Variants in ETS1 observed in about 807,000 individuals in gnomAD.
ETS1 encodes the protein ETS proto-oncogene 1, transcription factor, also known as protein C-ets-1.
ETS1 carries 15 observed loss-of-function variants against 58.6 expected under a neutral mutation model. The observed-to-expected ratio is 0.26, with a 90% CI of 0.17 to 0.39. The LOEUF (loss-of-function observed/expected upper bound fraction) is 0.39, where lower values mean the gene tolerates loss of function less well. ETS1 is among the 10% of genes least tolerant of loss of function. ETS1 has a pLI of 1.00. For missense variants in ETS1, 417 were observed against 610.5 expected (o/e 0.68, Z 3.34); for synonymous variants, 214 against 218.2 (o/e 0.98, Z 0.17).
intron 3 of ETS1, among the ~76,000 whole-genome samples, chr11:128,524,030 A>T (rs993817926): frequency 7.2e-5 from 11 of 152,166 alleles, no homozygotes; most frequent in African/African-American, 2.7e-4. Context: ...TTGATGTTGT[A>T]TTGAGAAAAT....
intron 3 of ETS1, among the ~76,000 whole-genome samples, chr11:128,524,873 C>A (rs1863769917): frequency 6.6e-6 from 1 of 152,166 alleles, no homozygotes; most frequent in South Asian, 2.1e-4. Context: ...CTTTTCCCTT[C>A]ATAGTAGAGC....
intron 3 of ETS1, chr11:128,529,108 A>G (rs1863853724): frequency 1.3e-5 from 2 of 152,204 alleles, no homozygotes; most frequent in South Asian, 2.1e-4. Context: ...ACTGCTATAT[A>G]CATTATTTGT....
chr11:128,462,879 C>T, intron 9 of ETS1, among the ~76,000 whole-genome samples: 1 of 152,216 alleles, frequency 6.6e-6, no homozygotes, highest in East Asian at 1.9e-4. Context: ...ACTATACATT[C>T]TCCTCTTTCC....
In ETS1 at chr11:128,486,122, T is replaced by C. The variant is rs1370995655; in HGVS notation, c.560A>G (p.Asn187Ser). The C allele has an allele frequency of 1.9e-6, 3 of 1,610,478 alleles. No homozygotes were observed. The highest frequency in any genetic ancestry group is 2.5e-6 in the Non-Finnish European group (3 of 1,176,758). The change falls in exon 6 of 10, where the codon AAT becomes AGT. Residue 187 changes from asparagine (N) to serine (S), a missense_variant. Transcript: ENST00000392668. ...TTCTGGATAGGCTGGGTTGACTCCA[T>C]TAACTTGATATGGTTTCACATCCTC... is the stretch of plus-strand genomic sequence containing the variant. ...QKEDVKPYQVNGVNPAYPESR... is the reference protein window; with the variant it reads ...QKEDVKPYQVSGVNPAYPESR...
chr11:128,466,771 C>CTTT (rs143750888), intron 8 of ETS1, among the ~76,000 whole-genome samples: 6 of 149,562 alleles, frequency 4.0e-5, no homozygotes, highest in Admixed American at 4.0e-4. Context: ...CTCTCTAACT[C>CTTT]TTTTTTTTTT....
At chr11:128,522,133 CCTTT>C in intron 3 of ETS1, 1 of 1,322,210 alleles carries the variant, frequency 7.6e-7, no homozygotes, top group Admixed American at 3.6e-5. Context: ...ATTCCCGCTG[CCTTT>C]CTTTCCCCCG....
intron 3 of ETS1, among the ~76,000 whole-genome samples, chr11:128,506,569 G>A (rs566010007): frequency 2.0e-5 from 3 of 152,336 alleles, no homozygotes; most frequent in African/African-American, 7.2e-5. Context: ...CACGTAAGAT[G>A]TCCTGGGTGT....
At chr11:128,499,789 T>C (rs1217496252) in intron 3 of ETS1, among the ~76,000 whole-genome samples, 1 of 152,030 alleles carries the variant, frequency 6.6e-6, no homozygotes, top group African/African-American at 2.4e-5. Flanking sequence ...ACTTGGCACT[T>C]GGTCGGGGGG....
rs1265610943 is a variant in ETS1, at chr11:128,460,772, C to T, written c.*1589G>A. 1 of 152,338 alleles carries T rather than the reference C, an allele frequency of 6.6e-6. No homozygotes were observed. 9.4% of individuals were successfully genotyped at this position (152,338 alleles called of 1,614,324 possible). A position where few individuals can be genotyped will look rare whatever the true frequency, so the allele number is the denominator to read the frequency against. ...AATCTATTCAAATCTCATGGACAAC[C>T]TTATTTTCCTCACTGAACCTCCTTC... On this transcript the variant is annotated 3_prime_UTR_variant, in exon 10 of 10. Coordinates refer to ENST00000392668, the MANE Select transcript of ETS1 (RefSeq NM_001143820.2).
At chr11:128,468,427 CT>C (rs1862097145) in intron 8 of ETS1, among the ~76,000 whole-genome samples, 1 of 152,164 alleles carries the variant, frequency 6.6e-6, no homozygotes, top group Non-Finnish European at 1.5e-5. Flanking sequence ...ATGGAAATCC[CT>C]TCCATTTCCC....
intron 3 of ETS1, among the ~76,000 whole-genome samples, chr11:128,543,113 A>C (rs1864080102): frequency 2.0e-5 from 3 of 151,944 alleles, no homozygotes; most frequent in African/African-American, 7.3e-5. Context: ...GAATTGCTTG[A>C]ACCCTGGAGG....
At chr11:128,500,259 A>G (rs1009882266) in intron 3 of ETS1, among the ~76,000 whole-genome samples, 17 of 152,266 alleles carry the variant, frequency 1.1e-4, no homozygotes, top group African/African-American at 3.9e-4. Flanking sequence ...AAAATTGTAA[A>G]CCAGAACAAA....
intron 3 of ETS1, among the ~76,000 whole-genome samples, chr11:128,547,286 T>C (rs1864147296): frequency 6.6e-6 from 1 of 152,224 alleles, no homozygotes; most frequent in Non-Finnish European, 1.5e-5. Context: ...CAGTAGTTTT[T>C]AACCTCTTTG....
chr11:128,527,221 G>C (rs1863817012), intron 3 of ETS1: 1 of 294,896 alleles, frequency 3.4e-6, no homozygotes, highest in East Asian at 1.2e-4. Flanking sequence ...GGGCTGTCAG[G>C]AGAGAAAGGG....
intron 3 of ETS1, among the ~76,000 whole-genome samples, chr11:128,535,664 T>C (rs1283246077): frequency 6.6e-6 from 1 of 152,220 alleles, no homozygotes; most frequent in African/African-American, 2.4e-5. Context: ...TCAAGTCTTA[T>C]GGCAAAAATC....
chr11:128,546,114 T>G (rs1864129275), intron 3 of ETS1, among the ~76,000 whole-genome samples: 1 of 152,236 alleles, frequency 6.6e-6, no homozygotes, highest in African/African-American at 2.4e-5. Flanking sequence ...CCTGATATAT[T>G]GACCAAAGAT....
In ETS1 at chr11:128,512,889, C is replaced by T. The variant is rs117679481; in HGVS notation, c.215-22313G>A. Among the ~76,000 whole-genome samples the T allele has an allele frequency of 5.2e-3, 796 of 152,382 alleles. 2 individuals are homozygous for T. The highest frequency in any genetic ancestry group is 0.013 in the East Asian group (66 of 5,192). On this transcript the variant is annotated intron_variant, in intron 3 of 9. Transcript: ENST00000392668. ...TCACTCAGCCCACAGACTCGGCCTG[C>T]GGAAGCAGCTGGACTAGCTGCTTCA...
intron 2 of ETS1, among the ~76,000 whole-genome samples, chr11:128,570,528 C>A (rs1395905710): frequency 6.6e-6 from 1 of 152,138 alleles, no homozygotes; most frequent in Non-Finnish European, 1.5e-5. Context: ...AGGTGTGAGC[C>A]ACTGAGCCCA....
intron 3 of ETS1, among the ~76,000 whole-genome samples, chr11:128,537,907 G>A (rs1863995086): frequency 3.9e-5 from 6 of 152,124 alleles, no homozygotes; most frequent in Non-Finnish European, 8.8e-5. Flanking sequence ...GTAATGAGAT[G>A]GGGAAGAGGA....
Sources: allele counts gnomAD v4.1 joint callset (sites outside exome capture counted in the v4.1 genomes callset), GRCh38; gene constraint gnomAD v4.1.1; transcripts MANE v1.5; gene names NCBI Gene and HGNC (gene_info 2026-07-23, HGNC 2026-07-21).